ROBO1: variants seen among roughly 807,000 people sequenced by gnomAD.
ROBO1 encodes the protein roundabout homolog 1.
ROBO1 carries 149 observed loss-of-function variants against 195.9 expected under a neutral mutation model. The ratio of observed to expected loss-of-function variants is 0.76; its 90% CI spans 0.67 to 0.87. ROBO1 has a LOEUF of 0.87. ROBO1 is among the 40% of genes least tolerant of loss of function. The pLI, the probability that ROBO1 is intolerant of heterozygous loss-of-function variation, is 0.00. For missense variants in ROBO1, 1,933 were observed against 2,068.3 expected (o/e 0.93, Z 1.27); for synonymous variants, 816 against 733.2 (o/e 1.11, Z -1.82).
intron 2 of ROBO1, among the ~76,000 whole-genome samples, chr3:79,303,565 A>G (rs565856102): frequency 2.0e-5 from 3 of 152,294 alleles, no homozygotes; most frequent in African/African-American, 4.8e-5. Context: ...ATGTTGTAGA[A>G]TAGAGCTTGC....
chr3:78,864,911 T>C (rs923386380), intron 4 of ROBO1, among the ~76,000 whole-genome samples: 5 of 152,194 alleles, frequency 3.3e-5, no homozygotes, highest in African/African-American at 1.2e-4. Context: ...TGATTATAAA[T>C]GGTTTGAAAA....
At chr3:78,674,632 C>G (rs1708284634) in intron 10 of ROBO1, among the ~76,000 whole-genome samples, 2 of 152,110 alleles carry the variant, frequency 1.3e-5, no homozygotes, top group African/African-American at 4.8e-5. Context: ...GGAAGAATCC[C>G]AAATTCACAG....
intron 23 of ROBO1, 47 bp downstream of exon 23, chr3:78,635,726 G>A (rs767531239): frequency 2.8e-5 from 42 of 1,497,964 alleles, no homozygotes; most frequent in Non-Finnish European, 3.7e-5. Context: ...TCGAGGTGCT[G>A]AGAGTATCAT....
Position 78,938,880 on chromosome 3 carries a change from G to C in ROBO1, c.220C>G (p.Pro74Ala). The C allele has an allele frequency of 6.2e-7, 1 of 1,613,302 alleles. No individual in the cohort carries two copies. The highest frequency in any genetic ancestry group is 1.7e-5 in the Admixed American group (1 of 59,914). ...CCTTTTGAGACAATCAGGTCTGAAG[G>C]GTGTTCAACAATGCGAGGTGGAAAA... is the stretch of plus-strand genomic sequence containing the variant. ...EDFPPRIVEH[P>A]SDLIVSKGEP... is the part of the protein sequence containing the mutation. The change falls in exon 4 of 31, where the codon CCT (proline) becomes GCT (alanine). Residue 74 changes from proline to alanine, a missense_variant. Physicochemically the swap from Pro to Ala is conservative, Grantham distance 27 (BLOSUM62 -1). Around this residue, in one of 3 missense-constraint regions of ROBO1, gnomAD observed 185 missense variants for 159.5 expected, o/e 1.16. Coordinates refer to ENST00000464233, the MANE Select transcript of ROBO1 (RefSeq NM_002941.4).
At chr3:79,173,820 T>C (rs1040301773) in intron 2 of ROBO1, among the ~76,000 whole-genome samples, 1 of 152,122 alleles carries the variant, frequency 6.6e-6, no homozygotes, top group Non-Finnish European at 1.5e-5. Flanking sequence ...CCTTTACGTC[T>C]AGCCAAGGGA....
intron 2 of ROBO1, among the ~76,000 whole-genome samples, chr3:79,173,313 C>T (rs895662022): frequency 1.3e-5 from 2 of 152,146 alleles, no homozygotes; most frequent in African/African-American, 4.8e-5. Flanking sequence ...GAGCCAGCTC[C>T]CTCAGCTTGC....
intron 2 of ROBO1, among the ~76,000 whole-genome samples, chr3:79,459,271 C>T (rs1458611929): frequency 3.3e-5 from 5 of 152,084 alleles, no homozygotes; most frequent in Non-Finnish European, 7.4e-5. Flanking sequence ...TGTAATCAAT[C>T]AATTGATAGG....
chr3:78,767,328 T>G (rs2083256488), intron 4 of ROBO1, among the ~76,000 whole-genome samples: 1 of 151,972 alleles, frequency 6.6e-6, no homozygotes, highest in Non-Finnish European at 1.5e-5. Flanking sequence ...TGCAGTGGCA[T>G]GATTTTGGCT....
intron 2 of ROBO1, among the ~76,000 whole-genome samples, chr3:79,493,540 T>C (rs1939576793): frequency 1.3e-5 from 2 of 152,010 alleles, no homozygotes; most frequent in Non-Finnish European, 2.9e-5. Context: ...CTAGTTTTTG[T>C]TTTGTTTTGT....
intron 1 of ROBO1, among the ~76,000 whole-genome samples, chr3:79,667,575 C>G (rs1331879064): frequency 1.3e-5 from 2 of 151,668 alleles, no homozygotes; most frequent in Non-Finnish European, 2.9e-5. Context: ...GACATGGGAA[C>G]TTTTAAATTT....
intron 2 of ROBO1, among the ~76,000 whole-genome samples, chr3:79,329,327 C>A (rs984031781): frequency 2.0e-5 from 3 of 152,144 alleles, no homozygotes; most frequent in African/African-American, 7.2e-5. Flanking sequence ...GGTAACAGAA[C>A]ACCCTCCCAT....
chr3:79,173,204 G>A (rs954125188), intron 2 of ROBO1, among the ~76,000 whole-genome samples: 1 of 152,054 alleles, frequency 6.6e-6, no homozygotes, highest in Non-Finnish European at 1.5e-5. Context: ...ACTCGCTCTC[G>A]GTGCCTCCTC....
chr3:79,332,896 A>C (rs1052635116), intron 2 of ROBO1, among the ~76,000 whole-genome samples: 1 of 152,220 alleles, frequency 6.6e-6, no homozygotes, highest in Non-Finnish European at 1.5e-5. Flanking sequence ...TCAGAAAATA[A>C]ATAATAAAAT....
chr3:79,607,021 T>TA (rs1436771759), intron 1 of ROBO1, among the ~76,000 whole-genome samples: 1 of 151,346 alleles, frequency 6.6e-6, no homozygotes, highest in African/African-American at 2.4e-5. Flanking sequence ...GCAATGTCCT[T>TA]AACCTATAAT....
At chr3:79,688,422 C>T (rs1947198626) in intron 1 of ROBO1, among the ~76,000 whole-genome samples, 1 of 152,072 alleles carries the variant, frequency 6.6e-6, no homozygotes, top group Non-Finnish European at 1.5e-5. Flanking sequence ...TGCTCTTAAA[C>T]ACTATTCCAG....
At chr3:78,683,903 A>G (rs1426570696) in intron 10 of ROBO1, among the ~76,000 whole-genome samples, 8 of 151,576 alleles carry the variant, frequency 5.3e-5, no homozygotes, top group Non-Finnish European at 1.2e-4. Flanking sequence ...TAAACACACT[A>G]ATCATAAAAA....
At chr3:78,858,425 A>T (rs2034582469) in intron 4 of ROBO1, among the ~76,000 whole-genome samples, 1 of 152,032 alleles carries the variant, frequency 6.6e-6, no homozygotes, top group African/African-American at 2.4e-5. Flanking sequence ...GCAGCTGCAG[A>T]TCCTTAGAAA....
At chr3:79,765,896 C>G (rs185487628) in intron 1 of ROBO1, among the ~76,000 whole-genome samples, 1 of 152,128 alleles carries the variant, frequency 6.6e-6, no homozygotes, top group African/African-American at 2.4e-5. Context: ...AACCTCCCAC[C>G]ACTACTTGGA....
intron 2 of ROBO1, among the ~76,000 whole-genome samples, chr3:79,572,951 T>C (rs1943329305): frequency 6.6e-6 from 1 of 152,088 alleles, no homozygotes; most frequent in Non-Finnish European, 1.5e-5. Flanking sequence ...GGAGGTAGAA[T>C]GGATTAGCAT....
Sources: allele counts gnomAD v4.1 joint callset (sites outside exome capture counted in the v4.1 genomes callset), GRCh38; gene constraint gnomAD v4.1.1; regional missense constraint gnomAD v4.1.1; transcripts MANE v1.5; gene names NCBI Gene and HGNC (gene_info 2026-07-23, HGNC 2026-07-21).